The following DRC9 variants were observed in gnomAD, a reference collection of about 807,000 sequenced individuals.
DRC9 encodes the protein dynein regulatory complex protein 9.
chr3:197,953,491 G>A, the DRC9 span: 2 of 456,708 alleles, frequency 4.4e-6, no homozygotes. Flanking sequence ...ATCTCAGCTG[G>A]GATTAACCCC....
the DRC9 span, among the ~76,000 whole-genome samples, chr3:197,892,473 C>CTACTG: frequency 1.3e-5 from 2 of 152,044 alleles, no homozygotes; most frequent in Non-Finnish European, 2.9e-5. Flanking sequence ...CAATACCCAG[C>CTACTG]TACTGTGGCC....
chr3:197,953,722 A>C, the DRC9 span: 1 of 502,168 alleles, frequency 2.0e-6, no homozygotes, highest in South Asian at 2.0e-5. Context: ...CTATTTTTTC[A>C]ATATTGCCTC....
the DRC9 span, chr3:197,912,697 A>G: frequency 1.2e-6 from 2 of 1,614,022 alleles, no homozygotes; most frequent in Non-Finnish European, 1.7e-6. Context: ...TCTAAGGAAC[A>G]TTTCAATCTC....
At chr3:197,935,213 G>A in the DRC9 span, among the ~76,000 whole-genome samples, 1 of 152,210 alleles carries the variant, frequency 6.6e-6, no homozygotes, top group East Asian at 1.9e-4. Context: ...GACTGAGGCG[G>A]GCGGATCACC....
At chr3:197,942,306 C>T in the DRC9 span, among the ~76,000 whole-genome samples, 1 of 146,838 alleles carries the variant, frequency 6.8e-6, no homozygotes, top group African/African-American at 2.6e-5. Context: ...ATGGCATGAA[C>T]CCGGGAGGCG....
chr3:197,953,391 A>G, the DRC9 span: 11 of 456,064 alleles, frequency 2.4e-5, no homozygotes, highest in African/African-American at 6.0e-5. Flanking sequence ...GGAAATATAT[A>G]TAAAGTCATA....
the DRC9 span, chr3:197,913,799 C>T: frequency 4.3e-6 from 6 of 1,403,134 alleles, no homozygotes; most frequent in Non-Finnish European, 5.1e-6. Context: ...CTTTGTCTCC[C>T]TCCTTTGTTA....
At chr3:197,947,622 C>A in the DRC9 span, among the ~76,000 whole-genome samples, 3 of 152,206 alleles carry the variant, frequency 2.0e-5, no homozygotes, top group African/African-American at 7.2e-5. Context: ...CCATCACCAG[C>A]TTAAGACAGT....
chr3:197,958,625 CGGTAAGT>C, the DRC9 span: 3 of 152,104 alleles, frequency 2.0e-5, no homozygotes, highest in African/African-American at 7.2e-5. Flanking sequence ...AACAGACACA[CGGTAAGT>C]GGTAGGCATC....
chr3:197,893,034 C>T, the DRC9 span, among the ~76,000 whole-genome samples: 1 of 152,128 alleles, frequency 6.6e-6, no homozygotes, highest in Non-Finnish European at 1.5e-5. Flanking sequence ...ACACTAAGTA[C>T]TTACACATTT....
chr3:197,898,784 G>C, the DRC9 span, among the ~76,000 whole-genome samples: 1 of 152,130 alleles, frequency 6.6e-6, no homozygotes, highest in Non-Finnish European at 1.5e-5. Flanking sequence ...TCTCCACCTG[G>C]TCTCGCCCTT....
At chr3:197,924,554 T>C in the DRC9 span, among the ~76,000 whole-genome samples, 1 of 152,120 alleles carries the variant, frequency 6.6e-6, no homozygotes, top group Non-Finnish European at 1.5e-5. Flanking sequence ...GGAGTCTCGC[T>C]CTGTCACCAG....
At chr3:197,937,575 CT>C in the DRC9 span, among the ~76,000 whole-genome samples, 2 of 152,016 alleles carry the variant, frequency 1.3e-5, no homozygotes, top group African/African-American at 4.8e-5. Context: ...AGCAATTCTC[CT>C]GCCTCAGCCT....
the DRC9 span, chr3:197,954,412 C>T: frequency 4.0e-6 from 2 of 494,578 alleles, no homozygotes; most frequent in African/African-American, 1.9e-5. Flanking sequence ...CAGCTTATTG[C>T]AGCCTCGACC....
At chr3:197,921,124 G>A in the DRC9 span, among the ~76,000 whole-genome samples, 3 of 133,208 alleles carry the variant, frequency 2.3e-5, no homozygotes, top group Non-Finnish European at 1.5e-5. Context: ...TGGTCGACCC[G>A]ACTACTGGTT....
chr3:197,952,281 T>C, the DRC9 span, among the ~76,000 whole-genome samples: 2 of 144,952 alleles, frequency 1.4e-5, no homozygotes, highest in African/African-American at 2.5e-5. Flanking sequence ...GGGATTCTCC[T>C]GCCTTAGCCT....
At chr3:197,915,130 G>C in the DRC9 span, among the ~76,000 whole-genome samples, 3,092 of 127,112 alleles carry the variant, frequency 0.024, 140 homozygotes, top group African/African-American at 0.09. Flanking sequence ...TGCCACTGCA[G>C]TCCAGCCTGG....
chr3:197,958,463 A>G, the DRC9 span: 1 of 152,234 alleles, frequency 6.6e-6, no homozygotes, highest in Non-Finnish European at 1.5e-5. Context: ...TGCATTTACA[A>G]AGTTGGGGAA....
chr3:197,927,001 G>T, the DRC9 span, among the ~76,000 whole-genome samples: 1 of 152,160 alleles, frequency 6.6e-6, no homozygotes, highest in Non-Finnish European at 1.5e-5. Context: ...TCAAACTCAG[G>T]ACTGTCGGAC....
Sources: gnomAD v4.1 joint callset for allele counts (sites outside exome capture counted in the v4.1 genomes callset) on GRCh38, gnomAD v4.1.1 for gene constraint, MANE v1.5 for transcripts, NCBI Gene and HGNC (gene_info 2026-07-23, HGNC 2026-07-21) for gene names.